The following CSF2RA variants were observed in gnomAD, a reference collection of about 807,000 sequenced individuals.
The protein encoded by CSF2RA is colony stimulating factor 2 receptor subunit alpha.
CSF2RA carries 42 observed loss-of-function variants against 51.6 expected under a neutral mutation model. The ratio of observed to expected loss-of-function variants is 0.81; its 90% CI spans 0.64 to 1.05. The LOEUF is 1.05. Ranked by LOEUF, CSF2RA falls within the 50% of genes least tolerant of loss-of-function variation. CSF2RA has a pLI of 0.00. For synonymous variants in CSF2RA, 222 were observed against 193.0 expected, an observed-to-expected ratio of 1.15 and a Z score of -1.24; for missense variants, 530 against 501.1, an observed-to-expected ratio of 1.06 and a Z score of -0.55.
At chrX:1,315,551 G>A in the CSF2RA span, among the ~76,000 whole-genome samples, 1 of 151,968 alleles carries the variant, frequency 6.6e-6, no homozygotes, top group Non-Finnish European at 1.5e-5. Context: ...TTACACGTGT[G>A]CACCACCACC....
intron 9 of CSF2RA, chrX:1,300,146 G>C (rs1279573270): frequency 8.6e-6 from 2 of 231,668 alleles, no homozygotes; most frequent in African/African-American, 4.7e-5. Context: ...GTGAACCCTG[G>C]AGGTGGAGGT....
At chrX:1,317,556 T>A in the CSF2RA span, among the ~76,000 whole-genome samples, 1 of 140,180 alleles carries the variant, frequency 7.1e-6, no homozygotes, top group African/African-American at 2.8e-5. Flanking sequence ...CAGCTTTTTT[T>A]ATTTTTATTT....
At chrX:1,286,372 C>A (rs2090656543) in intron 4 of CSF2RA, among the ~76,000 whole-genome samples, 1 of 152,136 alleles carries the variant, frequency 6.6e-6, no homozygotes, top group East Asian at 1.9e-4. Flanking sequence ...AGTTCAAGAC[C>A]AGGCTGACCA....
chrX:1,284,805 C>T (rs2090453220), intron 3 of CSF2RA, among the ~76,000 whole-genome samples: 1 of 151,626 alleles, frequency 6.6e-6, no homozygotes, highest in African/African-American at 2.4e-5. Flanking sequence ...GCTGGGATTA[C>T]AGGTACCCGC....
At chrX:1,299,042 C>G (rs1318027137) in intron 9 of CSF2RA, among the ~76,000 whole-genome samples, 1 of 152,174 alleles carries the variant, frequency 6.6e-6, no homozygotes, top group Non-Finnish European at 1.5e-5. Context: ...GGATCCTGAA[C>G]CAGAGGATGC....
chrX:1,280,316 G>C (rs1391133177), intron 2 of CSF2RA, among the ~76,000 whole-genome samples: 1 of 151,774 alleles, frequency 6.6e-6, no homozygotes, highest in Non-Finnish European at 1.5e-5. Flanking sequence ...TACTAAAAAT[G>C]CAAAATTAGC....
chrX:1,314,266 TGCGCCTGCCC>T (rs2084328660), downstream of CSF2RA, among the ~76,000 whole-genome samples: 2 of 22,822 alleles, frequency 8.8e-5, 1 homozygote, highest in African/African-American at 3.3e-4. Flanking sequence ...CCAACCCCAC[TGCGCCTGCCC>T]AACCCCACTG....
intron 2 of CSF2RA, among the ~76,000 whole-genome samples, chrX:1,279,116 C>T (rs1281845139): frequency 3.3e-5 from 5 of 150,552 alleles, no homozygotes; most frequent in African/African-American, 9.8e-5. Context: ...TTTGGGAGGC[C>T]GAGGCAGGGG....
chrX:1,314,316 A>ACC (rs2084343594), downstream of CSF2RA, among the ~76,000 whole-genome samples: 2 of 132,828 alleles, frequency 1.5e-5, 1 homozygote, highest in South Asian at 5.0e-4. Context: ...TGCCTGCCCA[A>ACC]CCACACTGCA....
the CSF2RA span, among the ~76,000 whole-genome samples, chrX:1,315,844 A>T: frequency 1.3e-5 from 2 of 150,268 alleles, no homozygotes; most frequent in South Asian, 4.2e-4. Context: ...GGATAAATAG[A>T]TGGATAGATA....
At chrX:1,287,590 C>CAT (rs2090886983) in intron 4 of CSF2RA, among the ~76,000 whole-genome samples, 1 of 147,308 alleles carries the variant, frequency 6.8e-6, no homozygotes, top group Non-Finnish European at 1.5e-5. Flanking sequence ...ATTACAGGTG[C>CAT]CCACCACCAC....
At chrX:1,288,430 C>A in intron 4 of CSF2RA, 89 bp from the exon 5 acceptor site, 1 of 1,491,868 alleles carries the variant, frequency 6.7e-7, no homozygotes, top group South Asian at 1.1e-5. Context: ...TGTAGTGAGC[C>A]GAGATCACGC....
At chrX:1,299,826 G>A (rs1208438030) in intron 9 of CSF2RA, among the ~76,000 whole-genome samples, 1 of 152,082 alleles carries the variant, frequency 6.6e-6, no homozygotes, top group East Asian at 1.9e-4. Context: ...GCTGAGGCAG[G>A]AGAATGGCGT....
downstream of CSF2RA, among the ~76,000 whole-genome samples, chrX:1,314,792 T>TCCCACTGCACCTGCCCAAC (rs1569515009): frequency 4.1e-3 from 14 of 3,414 alleles, 1 homozygote; most frequent in South Asian, 8.6e-3. Context: ...ACCTGCCCAA[T>TCCCACTGCACCTGCCCAAC]CCCACTGCAC....
rs183362052 is a variant in CSF2RA, at chrX:1,288,105, G to A, written c.220-414G>A. ...TTTCACCTGCAAGCTGGTATTCAGC[G>A]TATCCACTCAGAGCCCTCGGAGGAA... On this transcript the variant is annotated intron_variant, in intron 4 of 12. Transcript: ENST00000381529. Among the ~76,000 whole-genome samples, 277 of 152,130 alleles carry A rather than the reference G, an allele frequency of 1.8e-3. 1 individual carries two copies. Among genetic ancestry groups the A allele is most frequent in the Admixed American group, 3.1e-3 (47 of 15,264 alleles).
chrX:1,319,734 A>G, the CSF2RA span, among the ~76,000 whole-genome samples: 1 of 98,966 alleles, frequency 1.0e-5, no homozygotes, highest in Non-Finnish European at 2.0e-5. Flanking sequence ...TTTTTTTTTT[A>G]GACAGAGTCT....
At chrX:1,281,679 G>C (rs747381343) in intron 2 of CSF2RA, among the ~76,000 whole-genome samples, 3 of 151,992 alleles carry the variant, frequency 2.0e-5, no homozygotes, top group Admixed American at 1.3e-4. Context: ...ACCAACTCCG[G>C]ATCTTTTTAC....
intron 7 of CSF2RA, among the ~76,000 whole-genome samples, chrX:1,290,981 GTGCAATCTCAGCTCAC>G (rs1287454255): frequency 1.3e-5 from 2 of 152,084 alleles, no homozygotes. Context: ...GAGTGCAGTG[GTGCAATCTCAGCTCAC>G]TGCAACCTCT....
chrX:1,292,849 T>C (rs750886159), intron 7 of CSF2RA, among the ~76,000 whole-genome samples: 3 of 152,184 alleles, frequency 2.0e-5, no homozygotes, highest in African/African-American at 7.2e-5. Flanking sequence ...CCTTTATGGA[T>C]GTCGGGCTGG....
Sources: gnomAD v4.1 joint callset for allele counts (sites outside exome capture counted in the v4.1 genomes callset) on GRCh38, gnomAD v4.1.1 for gene constraint, MANE v1.5 for transcripts, NCBI Gene and HGNC (gene_info 2026-07-23, HGNC 2026-07-21) for gene names.